The following TBC1D5 variants were observed in gnomAD, a reference collection of about 807,000 sequenced individuals.
TBC1D5 encodes TBC1 domain family member 5, also known as TBC1 domain family, member 5.
Under a neutral mutation model 100.3 loss-of-function variants are expected in TBC1D5, and 75 were observed. That is an observed-to-expected ratio of 0.75 (90% CI 0.62 to 0.91). The LOEUF (loss-of-function observed/expected upper bound fraction) is 0.91. Ranked by LOEUF, TBC1D5 falls within the 40% of genes least tolerant of loss-of-function variation. TBC1D5 has a pLI of 0.00. For synonymous variants in TBC1D5, 323 were observed against 325.6 expected (o/e 0.99, Z 0.09); for missense variants, 910 against 942.4 (o/e 0.97, Z 0.45).
intron 2 of TBC1D5, among the ~76,000 whole-genome samples, chr3:17,605,936 A>G (rs1277661124): frequency 6.6e-6 from 1 of 152,206 alleles, no homozygotes; most frequent in Non-Finnish European, 1.5e-5. Flanking sequence ...TATACTCTGA[A>G]AAAAATCAAT....
chr3:17,420,792 A>G (rs1198679277), intron 4 of TBC1D5, among the ~76,000 whole-genome samples: 6 of 152,204 alleles, frequency 3.9e-5, no homozygotes, highest in African/African-American at 1.4e-4. Flanking sequence ...TGTCCAGGGG[A>G]AAGGACTCTC....
intron 2 of TBC1D5, among the ~76,000 whole-genome samples, chr3:17,606,718 G>T (rs186978971): frequency 6.6e-6 from 1 of 151,864 alleles, no homozygotes; most frequent in Non-Finnish European, 1.5e-5. Context: ...TCAGTTCATG[G>T]GTTTTTAAAA....
intron 2 of TBC1D5, among the ~76,000 whole-genome samples, chr3:17,559,343 G>A (rs2096542685): frequency 6.6e-6 from 1 of 151,928 alleles, no homozygotes; most frequent in African/African-American, 2.4e-5. Context: ...GTTTCACCAT[G>A]TTGGCCAGGC....
chr3:17,565,093 G>A (rs1398655151), intron 2 of TBC1D5, among the ~76,000 whole-genome samples: 1 of 152,102 alleles, frequency 6.6e-6, no homozygotes, highest in Non-Finnish European at 1.5e-5. Flanking sequence ...CCTAAAACCT[G>A]TTCTGGGGAA....
At chr3:17,516,317 T>C (rs1470663139) in intron 2 of TBC1D5, among the ~76,000 whole-genome samples, 1 of 152,224 alleles carries the variant, frequency 6.6e-6, no homozygotes, top group Non-Finnish European at 1.5e-5. Flanking sequence ...CCTCTATTTA[T>C]AGCAAGTGCT....
chr3:17,352,057 C>G (rs867558162), intron 13 of TBC1D5, among the ~76,000 whole-genome samples: 1 of 151,030 alleles, frequency 6.6e-6, no homozygotes, highest in Non-Finnish European at 1.5e-5. Flanking sequence ...AGAGAAGCAG[C>G]CACCCCATGA....
exon 1 of TBC1D5, chr3:17,739,822 T>C (rs576234985): frequency 6.6e-6 from 1 of 152,064 alleles, no homozygotes; most frequent in South Asian, 2.1e-4. Context: ...CTGGCCAATA[T>C]AGTGAAACCC....
At chr3:17,273,018 T>C (rs2079587719) in intron 15 of TBC1D5, among the ~76,000 whole-genome samples, 1 of 152,186 alleles carries the variant, frequency 6.6e-6, no homozygotes, top group Admixed American at 6.5e-5. Context: ...ACAATCTTAT[T>C]GCTTGACTTT....
At chr3:17,596,148 C>A (rs1014387709) in intron 2 of TBC1D5, among the ~76,000 whole-genome samples, 2 of 152,090 alleles carry the variant, frequency 1.3e-5, no homozygotes, top group African/African-American at 2.4e-5. Context: ...TCAGAAAAGT[C>A]AGAGGCCAAT....
At position 17,658,144 on chromosome 3, in the gene TBC1D5, A is replaced by G. The variant is rs1267927971; in HGVS notation, c.-100-34231T>C. On this transcript the variant is annotated intron_variant, in intron 1 of 21. Transcript: ENST00000253692. ...CAGTCTGTACATCATCTAGTTTTGT[A>G]TAAGTACATTCTATGATGTTCACAC... Among the ~76,000 whole-genome samples the G allele has an allele frequency of 3.9e-5, 6 of 152,220 alleles. No homozygotes were observed. The South Asian group carries it at 8.3e-4, about 21-fold the overall frequency.
chr3:17,197,683 T>C (rs2070884465), intron 18 of TBC1D5, among the ~76,000 whole-genome samples: 2 of 152,164 alleles, frequency 1.3e-5, no homozygotes, highest in Non-Finnish European at 2.9e-5. Context: ...CCCTGTGGTT[T>C]TTAATGCATG....
At chr3:17,261,615 C>G (rs1296040288) in intron 15 of TBC1D5, among the ~76,000 whole-genome samples, 2 of 152,144 alleles carry the variant, frequency 1.3e-5, no homozygotes, top group Non-Finnish European at 2.9e-5. Context: ...CTTGACATCC[C>G]AGGCTCAAGT....
intron 13 of TBC1D5, among the ~76,000 whole-genome samples, chr3:17,327,610 G>T (rs1162721141): frequency 6.6e-6 from 1 of 152,016 alleles, no homozygotes; most frequent in African/African-American, 2.4e-5. Flanking sequence ...GCTATTTCAG[G>T]TCTTTACTCA....
intron 3 of TBC1D5, among the ~76,000 whole-genome samples, chr3:17,438,428 G>A (rs1031032971): frequency 3.3e-5 from 5 of 152,100 alleles, no homozygotes; most frequent in Admixed American, 2.6e-4. Flanking sequence ...ACTGAATCAT[G>A]GGGGTGGTTT....
At chr3:17,418,874 C>T (rs1435278872) in intron 4 of TBC1D5, among the ~76,000 whole-genome samples, 2 of 152,194 alleles carry the variant, frequency 1.3e-5, no homozygotes, top group Non-Finnish European at 2.9e-5. Context: ...GCCCTCCATA[C>T]ATGAGATTCC....
intron 2 of TBC1D5, among the ~76,000 whole-genome samples, chr3:17,513,577 G>A (rs1198756878): frequency 1.3e-5 from 2 of 152,126 alleles, no homozygotes; most frequent in Non-Finnish European, 2.9e-5. Flanking sequence ...TCTGAACTGT[G>A]TCATTCTAAA....
intron 14 of TBC1D5, among the ~76,000 whole-genome samples, chr3:17,294,585 A>G (rs1380347340): frequency 1.3e-5 from 2 of 152,212 alleles, no homozygotes; most frequent in Non-Finnish European, 2.9e-5. Context: ...ATAATGTATT[A>G]ATATTCTACT....
intron 2 of TBC1D5, among the ~76,000 whole-genome samples, chr3:17,552,426 G>C (rs965132664): frequency 3.3e-5 from 5 of 152,096 alleles, no homozygotes; most frequent in African/African-American, 1.2e-4. Flanking sequence ...AGGATGTATA[G>C]GAGTTGACTA....
At chr3:17,523,840 A>G (rs2096093223) in intron 2 of TBC1D5, among the ~76,000 whole-genome samples, 1 of 152,164 alleles carries the variant, frequency 6.6e-6, no homozygotes, top group East Asian at 1.9e-4. Context: ...AGATACTACA[A>G]TAGTTTATGG....
Sources: gnomAD v4.1 joint callset for allele counts (sites outside exome capture counted in the v4.1 genomes callset) on GRCh38, gnomAD v4.1.1 for gene constraint, MANE v1.5 for transcripts, NCBI Gene and HGNC (gene_info 2026-07-23, HGNC 2026-07-21) for gene names.